The following CHST9 variants were observed in gnomAD, a reference collection of about 807,000 sequenced individuals.
CHST9 encodes the protein GalNAc-4-sulfotransferase 2.
Under a neutral mutation model 44.4 loss-of-function variants are expected in CHST9, and 41 were observed. The ratio of observed to expected loss-of-function variants is 0.92; its 90% CI spans 0.72 to 1.20. The LOEUF (loss-of-function observed/expected upper bound fraction) is 1.20, where lower values mean the gene tolerates loss of function less well. CHST9 is among the 50% of genes most tolerant of loss of function. CHST9 has a pLI of 0.00. For missense variants in CHST9, 504 were observed against 516.5 expected, an observed-to-expected ratio of 0.98 and a Z score of 0.23; for synonymous variants, 171 against 178.4, an observed-to-expected ratio of 0.96 and a Z score of 0.33.
chr18:26,926,582 A>G (rs232331), intron 5 of CHST9, among the ~76,000 whole-genome samples: 65,198 of 152,078 alleles, frequency 0.43, 14,428 homozygotes, highest in East Asian at 0.71. Context: ...TTGTTTGCAA[A>G]TTTACAGATA....
chr18:27,064,979 A>G (rs2057765216), intron 2 of CHST9, among the ~76,000 whole-genome samples: 1 of 152,200 alleles, frequency 6.6e-6, no homozygotes, highest in Admixed American at 6.5e-5. Context: ...GTGCATACAA[A>G]TAAGGTCTGT....
chr18:26,949,944 T>C (rs1404199066), intron 4 of CHST9, among the ~76,000 whole-genome samples: 1 of 152,164 alleles, frequency 6.6e-6, no homozygotes, highest in Non-Finnish European at 1.5e-5. Flanking sequence ...GGGAAGGACA[T>C]AGATGACTCC....
intron 2 of CHST9, among the ~76,000 whole-genome samples, chr18:27,130,968 G>T (rs1010311295): frequency 3.9e-5 from 6 of 152,056 alleles, no homozygotes; most frequent in Admixed American, 1.3e-4. Flanking sequence ...ATTTAGGATG[G>T]GGTTACCTCA....
chr18:26,964,439 T>C (rs1262923990), intron 4 of CHST9, among the ~76,000 whole-genome samples: 1 of 152,278 alleles, frequency 6.6e-6, no homozygotes, highest in Non-Finnish European at 1.5e-5. Context: ...ATGTTACTTA[T>C]ATCTGCTGCT....
chr18:26,952,236 C>T, intron 4 of CHST9: 5 of 527,434 alleles, frequency 9.5e-6, no homozygotes, highest in Non-Finnish European at 1.9e-5. Flanking sequence ...CCCCGGACTT[C>T]TGGCATCATC....
rs1483641877 is a variant in CHST9 at position 27,053,307 on chromosome 18, AAGG to A, written c.122-4807_122-4805del. Among the ~76,000 whole-genome samples, 91 of 130,800 alleles carry A rather than the reference AAGG, an allele frequency of 7.0e-4. 3 individuals are homozygous for A. The highest frequency in any genetic ancestry group is 2.5e-3 in the African/African-American group (85 of 34,560). The allele number at this position is 130,800 out of a possible 152,430, so 85.8% of individuals were successfully genotyped here. On this transcript the variant is annotated intron_variant, in intron 2 of 5. Transcript: ENST00000618847. ...GAAGGAGAAGGAGAAGGAGAAGGAG[AAGG>A]AGAAGGAGAAGGAGAAGATTTCATT...
At chr18:27,055,237 A>G (rs2057641149) in intron 2 of CHST9, among the ~76,000 whole-genome samples, 1 of 152,212 alleles carries the variant, frequency 6.6e-6, no homozygotes, top group Admixed American at 6.5e-5. Context: ...CTTATTAAAA[A>G]AGGGAGGAAG....
chr18:26,971,678 C>G (rs2056544648), intron 4 of CHST9, among the ~76,000 whole-genome samples: 1 of 152,222 alleles, frequency 6.6e-6, no homozygotes, highest in Admixed American at 6.5e-5. Context: ...CTGCAAAGAG[C>G]TCTGCCCGCA....
At chr18:27,082,092 A>G (rs2057966701) in intron 2 of CHST9, among the ~76,000 whole-genome samples, 1 of 152,214 alleles carries the variant, frequency 6.6e-6, no homozygotes, top group Non-Finnish European at 1.5e-5. Context: ...AGTTCCCCTA[A>G]AAGTGTACCT....
chr18:27,017,790 T>C (rs2057172369), intron 4 of CHST9, among the ~76,000 whole-genome samples: 1 of 152,334 alleles, frequency 6.6e-6, no homozygotes, highest in Middle Eastern at 3.4e-3. Flanking sequence ...TTGCAAATTA[T>C]ACATCAATTT....
intron 4 of CHST9, among the ~76,000 whole-genome samples, chr18:27,020,711 A>G (rs1485805): frequency 0.65 from 98,344 of 152,160 alleles, 32,240 homozygotes; most frequent in African/African-American, 0.74. Flanking sequence ...AGTCAATAAC[A>G]TGCAAGATAT....
intron 2 of CHST9, among the ~76,000 whole-genome samples, chr18:27,075,046 CT>C: frequency 6.6e-6 from 1 of 150,742 alleles, no homozygotes; most frequent in South Asian, 2.1e-4. Flanking sequence ...GAAATAGAGA[CT>C]GTAGATCACT....
chr18:27,119,374 A>G (rs1359213806), intron 2 of CHST9, among the ~76,000 whole-genome samples: 3 of 152,174 alleles, frequency 2.0e-5, no homozygotes, highest in Admixed American at 6.5e-5. Flanking sequence ...TAGTTCTCAG[A>G]TCTGAGTACC....
At chr18:26,952,649 C>G (rs2056265952) in intron 4 of CHST9, 1 of 253,062 alleles carries the variant, frequency 4.0e-6, no homozygotes, top group South Asian at 5.0e-5. Context: ...GAACTACAGA[C>G]TCATTAGCTG....
intron 4 of CHST9, among the ~76,000 whole-genome samples, chr18:26,977,572 A>C (rs1437950886): frequency 6.6e-6 from 1 of 152,172 alleles, no homozygotes; most frequent in Non-Finnish European, 1.5e-5. Context: ...AATAATCTAA[A>C]AGGTCTAGGG....
intron 2 of CHST9, among the ~76,000 whole-genome samples, chr18:27,061,676 G>C (rs906185663): frequency 2.6e-5 from 4 of 152,036 alleles, no homozygotes; most frequent in African/African-American, 7.2e-5. Context: ...AAGGATTCCT[G>C]GGGCTTTGAT....
At position 26,917,168 on chromosome 18, in the gene CHST9, A is replaced by G. The variant is rs752132202; in HGVS notation, c.423T>C (p.Thr141=). The G allele has an allele frequency of 1.2e-5, 19 of 1,613,966 alleles. No individual in the cohort carries two copies. The highest frequency in any genetic ancestry group is 1.6e-5 in the Non-Finnish European group (19 of 1,179,888). ...KLIEKRQGAK[T]VFNKFSNMNW... The stretch of plus-strand genomic sequence containing the variant: ...TCATGTTGCTGAACTTGTTAAAAAC[A>G]GTCTTAGCTCCTTGACGTTTTTCAA... Residue 141 remains threonine, a synonymous_variant, in exon 6 of 6, where the codon ACT becomes ACC. Coordinates refer to ENST00000618847, the MANE Select transcript of CHST9 (RefSeq NM_031422.6).
At chr18:27,149,369 G>A (rs2058641136) in intron 1 of CHST9, among the ~76,000 whole-genome samples, 2 of 152,218 alleles carry the variant, frequency 1.3e-5, no homozygotes, top group Admixed American at 6.5e-5. Flanking sequence ...CAAAGGACAT[G>A]ATCTCATTCT....
chr18:27,002,398 C>T (rs1254092492), intron 4 of CHST9, among the ~76,000 whole-genome samples: 1 of 152,086 alleles, frequency 6.6e-6, no homozygotes, highest in Non-Finnish European at 1.5e-5. Flanking sequence ...GCAATACAGA[C>T]CTATGTCCTT....
Sources: allele counts gnomAD v4.1 joint callset (sites outside exome capture counted in the v4.1 genomes callset), GRCh38; gene constraint gnomAD v4.1.1; transcripts MANE v1.5; gene names NCBI Gene and HGNC (gene_info 2026-07-23, HGNC 2026-07-21).